BLM: variants seen among roughly 807,000 people sequenced by gnomAD.
BLM encodes the protein BLM RecQ like helicase.
In BLM, 95 loss-of-function variants were observed where a neutral mutation model predicts 135.3. The ratio of observed to expected loss-of-function variants is 0.70; its 90% CI spans 0.59 to 0.83. The LOEUF (loss-of-function observed/expected upper bound fraction) is 0.83, where lower values mean the gene tolerates loss of function less well. Ranked by LOEUF, BLM falls within the 40% of genes least tolerant of loss-of-function variation. The probability of loss-of-function intolerance (pLI) is 0.00; values close to 1 mark genes in which losing one functional copy is unlikely to be tolerated. For missense variants in BLM, 1,518 were observed against 1,663.9 expected (o/e 0.91, Z 1.53); for synonymous variants, 520 against 589.2 (o/e 0.88, Z 1.70).
At chr15:90,782,337 A>G (rs1039762898) in intron 12 of BLM, among the ~76,000 whole-genome samples, 2 of 152,134 alleles carry the variant, frequency 1.3e-5, no homozygotes, top group Non-Finnish European at 1.5e-5. Context: ...GTAGTGAGCC[A>G]AGATTGTGCC....
chr15:90,789,059 A>C (rs887426972), intron 14 of BLM, among the ~76,000 whole-genome samples: 2 of 151,508 alleles, frequency 1.3e-5, no homozygotes, highest in African/African-American at 4.8e-5. Flanking sequence ...ATATATATAT[A>C]TATAACTTTG....
At chr15:90,722,433 A>C (rs1894795255) in intron 1 of BLM, among the ~76,000 whole-genome samples, 1 of 152,108 alleles carries the variant, frequency 6.6e-6, no homozygotes, top group African/African-American at 2.4e-5. Flanking sequence ...ACTAAAATAC[A>C]AAAATTAGCT....
chr15:90,774,184 C>T (rs1432934039), intron 12 of BLM, among the ~76,000 whole-genome samples: 1 of 149,986 alleles, frequency 6.7e-6, no homozygotes, highest in Non-Finnish European at 1.5e-5. Context: ...AAGCGATTCT[C>T]CTGCCTCAGC....
chr15:90,809,567 G>T (rs1031785218), intron 20 of BLM, among the ~76,000 whole-genome samples: 4 of 152,178 alleles, frequency 2.6e-5, no homozygotes, highest in Admixed American at 6.5e-5. Context: ...CTGCCACCAC[G>T]TCATGCTGTG....
At chr15:90,771,129 G>A (rs919484350) in intron 12 of BLM, among the ~76,000 whole-genome samples, 5 of 152,174 alleles carry the variant, frequency 3.3e-5, no homozygotes, top group African/African-American at 1.2e-4. Context: ...AGGAGTATTT[G>A]TATTAAATTT....
At chr15:90,730,534 C>T (rs1895039117) in intron 1 of BLM, among the ~76,000 whole-genome samples, 1 of 151,056 alleles carries the variant, frequency 6.6e-6, no homozygotes, top group African/African-American at 2.4e-5. Context: ...ACTGCAACTT[C>T]CGCCTCCCGG....
chr15:90,775,268 A>G (rs530679604), intron 12 of BLM, among the ~76,000 whole-genome samples: 1 of 152,120 alleles, frequency 6.6e-6, no homozygotes, highest in African/African-American at 2.4e-5. Context: ...ACCATTGACC[A>G]TAAATGGAAT....
Position 90,802,562 on chromosome 15 carries a change from A to G in BLM, c.3359-959A>G, listed in dbSNP as rs546726934. Among the ~76,000 whole-genome samples the G allele has an allele frequency of 4.6e-5, 7 of 152,336 alleles. No individual in the cohort carries two copies. The South Asian group carries it at 1.4e-3, about 32-fold the overall frequency. On this transcript the variant is annotated intron_variant, in intron 17 of 21. Transcript: ENST00000355112. ...TAGGCTTCATTAGTGAGGGTGACAA[A>G]AAGAATAGACTTAAATACTTGGATT...
chr15:90,793,295 C>A (rs930735632), intron 15 of BLM, among the ~76,000 whole-genome samples: 2 of 151,942 alleles, frequency 1.3e-5, no homozygotes, highest in Non-Finnish European at 2.9e-5. Flanking sequence ...CCACCACACC[C>A]AGCTAATTTT....
intron 12 of BLM, among the ~76,000 whole-genome samples, chr15:90,774,565 G>A (rs1001376759): frequency 1.3e-5 from 2 of 151,960 alleles, no homozygotes; most frequent in African/African-American, 2.4e-5. Context: ...CAGGCTCGGT[G>A]GCTCATGCCT....
At chr15:90,749,040 T>C (rs996367034) in intron 2 of BLM, among the ~76,000 whole-genome samples, 1 of 152,172 alleles carries the variant, frequency 6.6e-6, no homozygotes, top group African/African-American at 2.4e-5. Flanking sequence ...ATTACAGGCA[T>C]GAGCCACTGC....
intron 15 of BLM, among the ~76,000 whole-genome samples, chr15:90,791,826 A>G (rs929039989): frequency 1.3e-5 from 2 of 152,038 alleles, no homozygotes; most frequent in Admixed American, 6.6e-5. Context: ...TTTAGTAGAG[A>G]CAGGGATTTC....
chr15:90,744,456 T>C (rs1895447697), intron 1 of BLM, among the ~76,000 whole-genome samples: 2 of 152,260 alleles, frequency 1.3e-5, no homozygotes, highest in Middle Eastern at 3.4e-3. Context: ...CACTGCAACC[T>C]CTGCCTCCCG....
At chr15:90,777,509 T>C (rs1163332299) in intron 12 of BLM, among the ~76,000 whole-genome samples, 2 of 152,210 alleles carry the variant, frequency 1.3e-5, no homozygotes, top group African/African-American at 2.4e-5. Flanking sequence ...CTATTGTCAA[T>C]TCCAAAAGCA....
intron 5 of BLM, chr15:90,759,910 C>CT: frequency 2.7e-6 from 1 of 366,896 alleles, no homozygotes; most frequent in South Asian, 2.4e-5. Context: ...CCCAGCCCCA[C>CT]TTTAAAAAAA....
chr15:90,725,669 T>C (rs1422097079), intron 1 of BLM, among the ~76,000 whole-genome samples: 1 of 138,446 alleles, frequency 7.2e-6, no homozygotes, highest in Non-Finnish European at 1.5e-5. Flanking sequence ...CCCGGCTAAT[T>C]TTTTTTTTTT....
chr15:90,757,759 T>G (rs1432892824), intron 5 of BLM, among the ~76,000 whole-genome samples: 1 of 152,174 alleles, frequency 6.6e-6, no homozygotes, highest in East Asian at 1.9e-4. Flanking sequence ...TTTCTCTAAT[T>G]GTTTTCTGAG....
Position 90,770,177 on chromosome 15 carries a change from C to CCT in BLM, c.2555+591_2555+592insCT, listed in dbSNP as rs1555420977. On this transcript the variant is annotated intron_variant, in intron 12 of 21. Coordinates refer to ENST00000355112, the MANE Select transcript of BLM (RefSeq NM_000057.4). Reference sequence around the variant, plus strand: ...CTACTATAAAAGAAATCCCCCCCCCCTTTTTTTTTTTTTTGAGATGGAGTC... The same window carrying CCT: ...CTACTATAAAAGAAATCCCCCCCCCCCTTTTTTTTTTTTTTTGAGATGGAGTC... Among the ~76,000 whole-genome samples the CCT allele has an allele frequency of 3.5e-3, 447 of 128,202 alleles. 12 individuals are homozygous for CCT. The highest frequency in any genetic ancestry group is 0.011 in the African/African-American group (380 of 34,274). 84.1% of individuals were successfully genotyped at this position (128,202 alleles called of 152,430 possible).
At chr15:90,789,726 C>T (rs1896848688) in intron 14 of BLM, among the ~76,000 whole-genome samples, 1 of 152,098 alleles carries the variant, frequency 6.6e-6, no homozygotes, top group Admixed American at 6.6e-5. Flanking sequence ...CTCAGTCTGC[C>T]TGCCAGATAT....
Sources: gnomAD v4.1 joint callset for allele counts (sites outside exome capture counted in the v4.1 genomes callset) on GRCh38, gnomAD v4.1.1 for gene constraint, MANE v1.5 for transcripts, NCBI Gene and HGNC (gene_info 2026-07-23, HGNC 2026-07-21) for gene names.